Variants in CADPS2 observed in about 807,000 individuals in gnomAD.
CADPS2 encodes calcium-dependent secretion activator 2.
CADPS2 carries 93 observed loss-of-function variants against 172.5 expected under a neutral mutation model. That is an observed-to-expected ratio of 0.54 (90% CI 0.46 to 0.64). CADPS2 has a LOEUF of 0.64. Among genes scored for constraint, CADPS2 ranks in the 30% least tolerant of loss-of-function variants. The pLI, the probability that CADPS2 is intolerant of heterozygous loss-of-function variation, is 0.00. For synonymous variants in CADPS2, 546 were observed against 555.2 expected (o/e 0.98, Z 0.23); for missense variants, 1,420 against 1,565.9 (o/e 0.91, Z 1.57).
chr7:122,780,798 T>C (rs1396154900), intron 1 of CADPS2, among the ~76,000 whole-genome samples: 1 of 152,208 alleles, frequency 6.6e-6, no homozygotes, highest in East Asian at 1.9e-4. Context: ...AAGGGCTGTA[T>C]AATAGTATAT....
At chr7:122,867,924 T>G (rs889927366) in intron 1 of CADPS2, among the ~76,000 whole-genome samples, 5 of 152,116 alleles carry the variant, frequency 3.3e-5, no homozygotes, top group South Asian at 2.1e-4. Flanking sequence ...GGCCTCTTCA[T>G]ACCTGAAGGG....
At chr7:122,541,322 G>A (rs574404485) in intron 8 of CADPS2, among the ~76,000 whole-genome samples, 3 of 146,942 alleles carry the variant, frequency 2.0e-5, no homozygotes, top group African/African-American at 5.0e-5. Context: ...TCAGCCTCCC[G>A]AGTAGCTAGG....
chr7:122,455,064 T>C (rs139640572), intron 14 of CADPS2, among the ~76,000 whole-genome samples: 307 of 152,218 alleles, frequency 2.0e-3, no homozygotes, highest in Non-Finnish European at 3.2e-3. Context: ...AAAGCCTTTA[T>C]AATGATGTAT....
intron 25 of CADPS2, among the ~76,000 whole-genome samples, chr7:122,367,451 T>G (rs770360093): frequency 6.6e-6 from 1 of 151,556 alleles, no homozygotes; most frequent in African/African-American, 2.4e-5. Flanking sequence ...TACCCAGAAG[T>G]GATGGAGGCC....
intron 19 of CADPS2, among the ~76,000 whole-genome samples, chr7:122,409,892 A>G (rs913071684): frequency 3.3e-5 from 5 of 152,210 alleles, no homozygotes; most frequent in African/African-American, 1.2e-4. Context: ...TCTACAGGGT[A>G]CTAAACAGAA....
chr7:122,856,022 G>A (rs551532823), intron 1 of CADPS2, among the ~76,000 whole-genome samples: 1 of 152,276 alleles, frequency 6.6e-6, no homozygotes, highest in East Asian at 1.9e-4. Context: ...TCTCTGTGAT[G>A]GAGCCCATGG....
intron 6 of CADPS2, among the ~76,000 whole-genome samples, chr7:122,590,420 T>C (rs1476388060): frequency 6.6e-6 from 1 of 151,934 alleles, no homozygotes; most frequent in Admixed American, 6.6e-5. Context: ...CACTATATCT[T>C]GAACTTCTTC....
chr7:122,794,094 C>T (rs1795855805), intron 1 of CADPS2, among the ~76,000 whole-genome samples: 1 of 151,996 alleles, frequency 6.6e-6, no homozygotes, highest in African/African-American at 2.4e-5. Context: ...CTGACGATTA[C>T]ATGTCTTGTG....
intron 7 of CADPS2, among the ~76,000 whole-genome samples, chr7:122,561,332 C>T (rs79056628): frequency 0.15 from 620 of 4,206 alleles, 7 homozygotes; most frequent in East Asian, 0.5. Flanking sequence ...CTTCTATACA[C>T]TTTTTTTTTT....
intron 1 of CADPS2, among the ~76,000 whole-genome samples, chr7:122,744,550 C>G (rs1300946381): frequency 1.3e-5 from 2 of 152,130 alleles, no homozygotes; most frequent in African/African-American, 4.8e-5. Flanking sequence ...GAACAGTGAA[C>G]ACCTAAGCTG....
chr7:122,677,186 C>G (rs1039671123), intron 2 of CADPS2, among the ~76,000 whole-genome samples: 1 of 152,160 alleles, frequency 6.6e-6, no homozygotes, highest in Non-Finnish European at 1.5e-5. Context: ...AACCAATATG[C>G]CTGTGGCTTG....
chr7:122,500,151 A>T (rs922300877), intron 9 of CADPS2, among the ~76,000 whole-genome samples: 23 of 152,176 alleles, frequency 1.5e-4, no homozygotes, highest in African/African-American at 5.6e-4. Context: ...TTCCATTTCT[A>T]TATATTTCTC....
chr7:122,398,145 T>G (rs960809646), intron 20 of CADPS2, among the ~76,000 whole-genome samples: 5 of 152,184 alleles, frequency 3.3e-5, no homozygotes, highest in Non-Finnish European at 5.9e-5. Flanking sequence ...GTTGATTATT[T>G]TCATATGAAA....
chr7:122,575,002 G>A (rs1256026124), intron 7 of CADPS2, among the ~76,000 whole-genome samples: 1 of 152,060 alleles, frequency 6.6e-6, no homozygotes, highest in Non-Finnish European at 1.5e-5. Context: ...CTTTTGATAA[G>A]ATGCAACGGG....
chr7:122,599,406 G>T (rs999270402), intron 6 of CADPS2, among the ~76,000 whole-genome samples: 2 of 151,990 alleles, frequency 1.3e-5, no homozygotes, highest in African/African-American at 4.8e-5. Flanking sequence ...TATTAAGAAG[G>T]CAGAATCAAC....
intron 7 of CADPS2, among the ~76,000 whole-genome samples, chr7:122,558,669 T>TA (rs1295975692): frequency 1.3e-5 from 2 of 152,080 alleles, no homozygotes; most frequent in South Asian, 4.1e-4. Flanking sequence ...AACTAAGACT[T>TA]AAAAAAATGA....
At chr7:122,759,745 T>C (rs2093311678) in intron 1 of CADPS2, among the ~76,000 whole-genome samples, 1 of 152,160 alleles carries the variant, frequency 6.6e-6, no homozygotes, top group Non-Finnish European at 1.5e-5. Flanking sequence ...ATTAATCCAA[T>C]TGTCACCATT....
intron 7 of CADPS2, among the ~76,000 whole-genome samples, chr7:122,557,912 G>C (rs563423225): frequency 9.0e-4 from 137 of 152,254 alleles, no homozygotes; most frequent in African/African-American, 3.2e-3. Context: ...CTTGGGAAAA[G>C]GTGATCAAGA....
intron 28 of CADPS2, among the ~76,000 whole-genome samples, chr7:122,343,832 T>G (rs1193292319): frequency 1.3e-5 from 2 of 152,214 alleles, no homozygotes; most frequent in South Asian, 4.1e-4. Flanking sequence ...ATGAAACATA[T>G]GCTTGTAAAT....
Sources: allele counts gnomAD v4.1 joint callset (sites outside exome capture counted in the v4.1 genomes callset), GRCh38; gene constraint gnomAD v4.1.1; transcripts MANE v1.5; gene names NCBI Gene and HGNC (gene_info 2026-07-23, HGNC 2026-07-21).